Variants in CATSPERE observed in about 807,000 individuals in gnomAD.
CATSPERE encodes the protein catsper channel auxiliary subunit epsilon.
Under a neutral mutation model 114.1 loss-of-function variants are expected in CATSPERE, and 93 were observed. The observed-to-expected ratio is 0.81, with a 90% CI of 0.69 to 0.97. The LOEUF is 0.97. Among genes scored for constraint, CATSPERE ranks in the 50% least tolerant of loss-of-function variants. CATSPERE has a pLI of 0.00. For synonymous variants in CATSPERE, 341 were observed against 384.1 expected (o/e 0.89, Z 1.31); for missense variants, 1,058 against 1,131.6 (o/e 0.93, Z 0.93).
Position 244,592,549 on chromosome 1 carries a change from T to C in CATSPERE, c.2189+818T>C, listed in dbSNP as rs9803788. 1.1e-3 allele frequency among the ~76,000 whole-genome samples: 172 copies of C among 152,258 alleles called. 1 individual carries two copies. The highest frequency in any genetic ancestry group is 4.0e-3 in the African/African-American group (168 of 41,576). ...AGAAATTATTATTTAAAATAATAAG[T>C]AGTCTAATTTATTAATTAAAATAAA... On this transcript the variant is annotated intron_variant, in intron 15 of 21. Transcript: ENST00000366534.
At position 244,531,568 on chromosome 1, in the gene CATSPERE, C is replaced by T. The variant is rs113067825; in HGVS notation, c.536+12870C>T. 5.8e-3 allele frequency among the ~76,000 whole-genome samples: 873 copies of T among 151,398 alleles called. 10 individuals are homozygous for T. Among genetic ancestry groups the T allele is most frequent in the African/African-American group, 0.02 (804 of 41,104 alleles). The stretch of plus-strand genomic sequence containing the variant: ...ATGTTGAATTTTATCAAATGCTTTT[C>T]GGTATTAATTGAAATGATCATATGG... On this transcript the variant is annotated intron_variant, in intron 8 of 21. Transcript: ENST00000366534.
chr1:244,540,257 C>A (rs1290622286), intron 8 of CATSPERE, among the ~76,000 whole-genome samples: 1 of 148,582 alleles, frequency 6.7e-6, no homozygotes, highest in African/African-American at 2.5e-5. Flanking sequence ...ATCTAGAAAA[C>A]CCCATTGTCT....
rs1418635944 is a variant in CATSPERE at position 244,552,491 on chromosome 1, G to C, written c.706G>C (p.Gly236Arg). The C allele has an allele frequency of 6.2e-7, 1 of 1,614,162 alleles. No individual in the cohort carries two copies. The highest frequency in any genetic ancestry group is 1.7e-5 in the Admixed American group (1 of 60,026). The change falls in exon 9 of 22, where the codon GGT (glycine) becomes CGT (arginine). Residue 236 changes from glycine (G) to arginine (R), a missense_variant. This residue lies in a region of CATSPERE where 787 missense variants were observed against 905.6 expected (regional missense o/e 0.87). Transcript: ENST00000366534. The stretch of plus-strand genomic sequence containing the variant: ...TTATTTACCAATCTCCTCACCACGT[G>C]GTAGTCAATTAATGGCTTCCTGGGA... ...PGYLPISSPRGSQLMASWDAC... is the reference protein window; with the variant it reads ...PGYLPISSPRRSQLMASWDAC...
chr1:244,510,878 T>C (rs1245926788), intron 7 of CATSPERE, among the ~76,000 whole-genome samples: 1 of 148,768 alleles, frequency 6.7e-6, no homozygotes, highest in African/African-American at 2.5e-5. Context: ...AATTTCGTTC[T>C]TGTTGCCCAG....
Position 244,621,082 on chromosome 1 carries a change from T to TTATA in CATSPERE, c.2648+3396_2648+3397insTATA, listed in dbSNP as rs1672107565. 3.8e-4 allele frequency among the ~76,000 whole-genome samples: 27 copies of TTATA among 71,108 alleles called. 3 individuals carry two copies. Among genetic ancestry groups the TTATA allele is most frequent in the African/African-American group, 7.9e-4 (14 of 17,728 alleles). 46.6% of individuals were successfully genotyped at this position (71,108 alleles called of 152,430 possible). A position where few individuals can be genotyped will look rare whatever the true frequency, so the allele number is the denominator to read the frequency against. ...TATAAATATATATAAAATATATATA[T>TTATA]AAATATATATAAAATATATATAAAT... On this transcript the variant is annotated intron_variant, in intron 20 of 21. Coordinates refer to ENST00000366534, the MANE Select transcript of CATSPERE (RefSeq NM_001130957.2).
At chr1:244,621,209 T>TA (rs1672248096) in intron 20 of CATSPERE, among the ~76,000 whole-genome samples, 2 of 5,902 alleles carry the variant, frequency 3.4e-4, no homozygotes, top group African/African-American at 5.9e-4. Flanking sequence ...ATAGATATAT[T>TA]TATATATATA....
intron 1 of CATSPERE, 120 bp downstream of exon 1, chr1:244,461,614 C>A: frequency 1.4e-6 from 1 of 736,442 alleles, no homozygotes; most frequent in Non-Finnish European, 1.9e-6. Context: ...CCGACCACTG[C>A]CTCGTCTCCT....
intron 6 of CATSPERE, 104 bp downstream of exon 6, chr1:244,490,575 T>G (rs1671900869): frequency 1.3e-6 from 1 of 764,294 alleles, no homozygotes; most frequent in African/African-American, 1.8e-5. Flanking sequence ...AAATGAATTT[T>G]GCAATGATAT....
intron 5 of CATSPERE, among the ~76,000 whole-genome samples, chr1:244,486,164 A>C (rs534537839): frequency 1.1e-4 from 16 of 152,236 alleles, no homozygotes; most frequent in Admixed American, 5.2e-4. Flanking sequence ...AAAGATATCA[A>C]ATATAAAGCT....
chr1:244,598,159 A>G (rs2148660457), intron 17 of CATSPERE, among the ~76,000 whole-genome samples: 1 of 152,310 alleles, frequency 6.6e-6, no homozygotes, highest in Non-Finnish European at 1.5e-5. Flanking sequence ...CTTTGTGAAA[A>G]GTTGGACGTT....
At chr1:244,463,648 A>C (rs577669670) in intron 1 of CATSPERE, among the ~76,000 whole-genome samples, 5 of 65,444 alleles carry the variant, frequency 7.6e-5, no homozygotes, top group South Asian at 3.2e-4. Flanking sequence ...TCATCTTACA[A>C]AAAAAAAAAA....
intron 7 of CATSPERE, among the ~76,000 whole-genome samples, chr1:244,514,896 A>G (rs1330289425): frequency 6.6e-6 from 1 of 151,836 alleles, no homozygotes; most frequent in African/African-American, 2.4e-5. Context: ...TCTGTACCCG[A>G]GTTAATAACG....
chr1:244,637,562 C>T (rs1380443576), intron 21 of CATSPERE, among the ~76,000 whole-genome samples: 1 of 152,142 alleles, frequency 6.6e-6, no homozygotes, highest in African/African-American at 2.4e-5. Flanking sequence ...CCACCGCAAC[C>T]CCCCTTCACC....
At chr1:244,610,368 C>G (rs763216899) in intron 19 of CATSPERE, 42 bp downstream of exon 19, 1 of 1,417,442 alleles carries the variant, frequency 7.1e-7, no homozygotes, top group Admixed American at 1.7e-5. Flanking sequence ...TTTGGAATAA[C>G]TAATCTGGCA....
At chr1:244,589,338 A>T (rs1488588521) in intron 14 of CATSPERE, among the ~76,000 whole-genome samples, 1 of 152,220 alleles carries the variant, frequency 6.6e-6, no homozygotes, top group African/African-American at 2.4e-5. Flanking sequence ...TTTAATTATT[A>T]CTGAGTTGTA....
chr1:244,624,998 A>C (rs1672919881), intron 20 of CATSPERE, among the ~76,000 whole-genome samples: 1 of 152,088 alleles, frequency 6.6e-6, no homozygotes, highest in East Asian at 1.9e-4. Context: ...AAAGCCATTC[A>C]TGAGGGTTAG....
At chr1:244,476,065 G>A (rs549514777) in intron 2 of CATSPERE, among the ~76,000 whole-genome samples, 41 of 152,158 alleles carry the variant, frequency 2.7e-4, no homozygotes, top group African/African-American at 8.9e-4. Flanking sequence ...TTCAAGATTG[G>A]TTACAACTTT....
At chr1:244,540,662 G>T (rs1658521793) in intron 8 of CATSPERE, among the ~76,000 whole-genome samples, 1 of 148,190 alleles carries the variant, frequency 6.7e-6, no homozygotes, top group African/African-American at 2.5e-5. Context: ...CTACTTTAAA[G>T]TTCATATGGA....
rs1665026748 is a variant in CATSPERE at position 244,575,016 on chromosome 1, A to T, written c.1950+2244A>T. Among the ~76,000 whole-genome samples the T allele has an allele frequency of 6.9e-6, 1 of 143,958 alleles. No individual in the cohort carries two copies. The highest frequency in any genetic ancestry group is 1.5e-5 in the Non-Finnish European group (1 of 65,722). The allele number at this position is 143,958 out of a possible 152,430, so 94.4% of individuals were successfully genotyped here. The stretch of plus-strand genomic sequence containing the variant: ...GTCTCTTTCAGTCTCTCGCTCACTT[A>T]TTCTCTCCCTCTATCTCTCTCTCTC... On this transcript the variant is annotated intron_variant, in intron 11 of 21. Transcript: ENST00000366534. This position sits in a 1 kb window ranked among gnomAD's most constrained non-coding sequence, Gnocchi z 4.5.
Sources: allele counts gnomAD v4.1 joint callset (sites outside exome capture counted in the v4.1 genomes callset), GRCh38; gene constraint gnomAD v4.1.1; regional missense constraint gnomAD v4.1.1; non-coding constraint Gnocchi (gnomAD v3.1); transcripts MANE v1.5; gene names NCBI Gene and HGNC (gene_info 2026-07-23, HGNC 2026-07-21).